The following AFF3 variants were observed in gnomAD, a reference collection of about 807,000 sequenced individuals.
AFF3 encodes AF4/FMR2 family member 3.
Under a neutral mutation model 129.7 loss-of-function variants are expected in AFF3, and 32 were observed. That is an observed-to-expected ratio of 0.25 (90% CI 0.19 to 0.33). The LOEUF (loss-of-function observed/expected upper bound fraction) is 0.33. Among genes scored for constraint, AFF3 ranks in the 10% least tolerant of loss-of-function variants. The pLI is 1.00. For missense variants in AFF3, 1,373 were observed against 1,592.0 expected, an observed-to-expected ratio of 0.86 and a Z score of 2.34; for synonymous variants, 644 against 635.4, an observed-to-expected ratio of 1.01 and a Z score of -0.20.
intron 4 of AFF3, among the ~76,000 whole-genome samples, chr2:100,067,434 A>C (rs1687821432): frequency 6.6e-6 from 1 of 152,186 alleles, no homozygotes; most frequent in South Asian, 2.1e-4. Flanking sequence ...ATCTGAAGTA[A>C]ATTAAAAGAA....
At position 100,136,247 on chromosome 2, in the gene AFF3, G is replaced by A. The variant is rs368374304; in HGVS notation, c.-228+6237C>T. 3.3e-5 allele frequency among the ~76,000 whole-genome samples: 5 copies of A among 152,314 alleles called. No individual in the cohort carries two copies. In the East Asian group the frequency reaches 9.7e-4, roughly 29 times the overall value. Reference sequence around the variant, plus strand: ...GTGTTTCAGTGGTCACAGTGGACCAGATCATCTGGGAGCGAATGCAGATAA... The same window carrying A: ...GTGTTTCAGTGGTCACAGTGGACCAAATCATCTGGGAGCGAATGCAGATAA... On this transcript the variant is annotated intron_variant, in intron 1 of 24. Coordinates refer to ENST00000672756, the MANE Select transcript of AFF3 (RefSeq NM_001386135.1).
intron 13 of AFF3, among the ~76,000 whole-genome samples, chr2:99,641,195 G>A (rs904016242): frequency 2.0e-5 from 3 of 152,168 alleles, no homozygotes; most frequent in African/African-American, 7.2e-5. Flanking sequence ...AGAGAGTAGG[G>A]TAATATTGTA....
intron 7 of AFF3, among the ~76,000 whole-genome samples, chr2:99,853,590 T>C (rs892640719): frequency 6.6e-6 from 1 of 152,116 alleles, no homozygotes; most frequent in Non-Finnish European, 1.5e-5. Context: ...TTTATAGTCA[T>C]TATATCATTT....
chr2:99,747,620 A>G (rs1262130633), intron 9 of AFF3, among the ~76,000 whole-genome samples: 1 of 152,208 alleles, frequency 6.6e-6, no homozygotes, highest in African/African-American at 2.4e-5. Flanking sequence ...ATAGATAGTA[A>G]ACTTTAAATT....
intron 4 of AFF3, among the ~76,000 whole-genome samples, chr2:100,061,862 G>GC (rs1553515759): frequency 2.6e-5 from 4 of 151,366 alleles, no homozygotes; most frequent in African/African-American, 4.8e-5. Flanking sequence ...AGTGGAGGGG[G>GC]GGGGGGTGCC....
intron 7 of AFF3, among the ~76,000 whole-genome samples, chr2:99,855,756 T>C (rs1576197378): frequency 1.3e-5 from 2 of 152,256 alleles, no homozygotes; most frequent in East Asian, 1.9e-4. Flanking sequence ...GAGCTGCCAA[T>C]GGTGACTTCT....
intron 12 of AFF3, among the ~76,000 whole-genome samples, chr2:99,652,217 C>A (rs1057029847): frequency 1.3e-5 from 2 of 152,162 alleles, no homozygotes; most frequent in African/African-American, 4.8e-5. Flanking sequence ...ATTGATAGCA[C>A]TGGGCTAGAC....
chr2:100,008,783 G>T (rs1442269192), intron 5 of AFF3, 29 bp downstream of exon 5: 1 of 1,609,208 alleles, frequency 6.2e-7, no homozygotes, highest in Non-Finnish European at 8.5e-7. Flanking sequence ...CAAGTGAGAG[G>T]TAGAGATGAA....
chr2:100,106,200 A>G, intron 2 of AFF3: 1 of 1,187,794 alleles, frequency 8.4e-7, no homozygotes, highest in Non-Finnish European at 1.1e-6. Flanking sequence ...ATCCATAACT[A>G]ATGTGCAAAA....
At chr2:99,980,472 A>T (rs1345969328) in intron 7 of AFF3, among the ~76,000 whole-genome samples, 2 of 152,232 alleles carry the variant, frequency 1.3e-5, no homozygotes, top group Non-Finnish European at 2.9e-5. Context: ...AATATGTGGC[A>T]ATTTTCAGAT....
At chr2:99,853,941 A>C (rs1309773617) in intron 7 of AFF3, among the ~76,000 whole-genome samples, 1 of 152,230 alleles carries the variant, frequency 6.6e-6, no homozygotes, top group African/African-American at 2.4e-5. Context: ...CATTCAACTT[A>C]CTAGCTTCAC....
At chr2:99,887,569 A>T (rs1340559806) in intron 7 of AFF3, among the ~76,000 whole-genome samples, 1 of 152,242 alleles carries the variant, frequency 6.6e-6, no homozygotes, top group Non-Finnish European at 1.5e-5. Flanking sequence ...TCACTTAAAT[A>T]TCTGCGCTGT....
chr2:99,650,192 A>G (rs2105613726), intron 12 of AFF3, among the ~76,000 whole-genome samples: 1 of 152,344 alleles, frequency 6.6e-6, no homozygotes, highest in South Asian at 2.1e-4. Context: ...TGATATTATG[A>G]CAATGGTTTT....
At chr2:100,118,101 A>G (rs1053282643) in intron 2 of AFF3, among the ~76,000 whole-genome samples, 1 of 152,126 alleles carries the variant, frequency 6.6e-6, no homozygotes, top group South Asian at 2.1e-4. Context: ...TTTGATTTCT[A>G]TCTTTTCTGG....
At chr2:99,607,729 C>T (rs1045163956) in intron 13 of AFF3, among the ~76,000 whole-genome samples, 2 of 152,210 alleles carry the variant, frequency 1.3e-5, no homozygotes, top group African/African-American at 4.8e-5. Context: ...CCACATCGCA[C>T]CACACATGCT....
chr2:100,066,659 T>C (rs999527817), intron 4 of AFF3, among the ~76,000 whole-genome samples: 2 of 152,142 alleles, frequency 1.3e-5, no homozygotes, highest in African/African-American at 4.8e-5. Flanking sequence ...TCTTCACTTG[T>C]AATAATGGCA....
At chr2:99,941,847 T>C (rs186793669) in intron 7 of AFF3, among the ~76,000 whole-genome samples, 3 of 152,344 alleles carry the variant, frequency 2.0e-5, no homozygotes, top group Non-Finnish European at 4.4e-5. Context: ...GGGGTGCTGA[T>C]GACATCACGG....
At chr2:100,086,287 C>T (rs1689424084) in intron 4 of AFF3, among the ~76,000 whole-genome samples, 1 of 152,164 alleles carries the variant, frequency 6.6e-6, no homozygotes, top group African/African-American at 2.4e-5. Flanking sequence ...CTTTGGGAGG[C>T]CGAGGTGGGC....
At chr2:100,060,441 G>A (rs1048353619) in intron 4 of AFF3, among the ~76,000 whole-genome samples, 6 of 152,146 alleles carry the variant, frequency 3.9e-5, no homozygotes, top group Admixed American at 1.3e-4. Context: ...TGTGCTAAGC[G>A]CCGCCTGCTT....
Sources: allele counts gnomAD v4.1 joint callset (sites outside exome capture counted in the v4.1 genomes callset), GRCh38; gene constraint gnomAD v4.1.1; transcripts MANE v1.5; gene names NCBI Gene and HGNC (gene_info 2026-07-23, HGNC 2026-07-21).